Variants in PRRG4 observed in about 807,000 individuals in gnomAD.
PRRG4 encodes the protein proline rich and Gla domain 4.
A neutral mutation model predicts 20.0 loss-of-function variants in PRRG4; 12 were observed. That is an observed-to-expected ratio of 0.60 (90% CI 0.38 to 0.97). The LOEUF (loss-of-function observed/expected upper bound fraction) is 0.97, where lower values mean the gene tolerates loss of function less well. Ranked by LOEUF, PRRG4 falls within the 50% of genes least tolerant of loss-of-function variation. The pLI, the probability that PRRG4 is intolerant of heterozygous loss-of-function variation, is 0.00. For synonymous variants in PRRG4, 94 were observed against 96.4 expected (o/e 0.98, Z 0.15); for missense variants, 199 against 265.1 (o/e 0.75, Z 1.73).
At position 32,856,513 on chromosome 11, in the gene PRRG4, A is replaced by C. The variant is rs1351059110; in HGVS notation, c.*2986A>C. On this transcript the variant is annotated 3_prime_UTR_variant, in exon 6 of 6. Transcript: ENST00000257836. ...ATTTCTGTTGCTTTCACCATTTTCT[A>C]TTCCTGTTGTAAGTTTGGTGGTAGA... is the stretch of plus-strand genomic sequence containing the variant. 1 of 152,168 alleles carries C rather than the reference A, an allele frequency of 6.6e-6. No homozygotes were observed. The highest frequency in any genetic ancestry group is 1.5e-5 in the Non-Finnish European group (1 of 68,032). The allele number at this position is 152,168 out of a possible 1,614,324, so 9.4% of individuals were successfully genotyped here.
intron 2 of PRRG4, among the ~76,000 whole-genome samples, chr11:32,836,186 C>T (rs1851018017): frequency 6.6e-6 from 1 of 152,014 alleles, no homozygotes; most frequent in African/African-American, 2.4e-5. Flanking sequence ...TAGGAAATGG[C>T]AGCCCAAAGA....
chr11:32,844,748 G>T (rs1851112680), intron 5 of PRRG4, among the ~76,000 whole-genome samples: 1 of 152,000 alleles, frequency 6.6e-6, no homozygotes, highest in Non-Finnish European at 1.5e-5. Context: ...TAATCCTCGT[G>T]CCTTGGCCTC....
At chr11:32,831,344 T>C in intron 2 of PRRG4, among the ~76,000 whole-genome samples, 1 of 152,206 alleles carries the variant, frequency 6.6e-6, no homozygotes, top group Non-Finnish European at 1.5e-5. Flanking sequence ...GTGTCAGTAC[T>C]CTGGATCCAC....
rs566466906 is a variant in PRRG4, at chr11:32,840,125, T to C, written c.335T>C (p.Ile112Thr). 2 of 1,604,820 alleles carry C rather than the reference T, an allele frequency of 1.2e-6. No homozygotes were observed. The highest frequency in any genetic ancestry group is 1.7e-5 in the Admixed American group (1 of 59,932). The change falls in exon 5 of 6, where the codon ATA (isoleucine) becomes ACA (threonine). Residue 112 changes from isoleucine to threonine, a missense_variant. Transcript: ENST00000257836. This position sits in a 1 kb window ranked among gnomAD's most constrained non-coding sequence, Gnocchi z 4.1. Reference sequence around the variant, plus strand: ...TTTTAAGATGGCAACAGAGAGAAAATAGATGTTATGGGCCTTCTGACTGGA... The same window carrying C: ...TTTTAAGATGGCAACAGAGAGAAAACAGATGTTATGGGCCTTCTGACTGGA... Reference protein sequence around the residue: ...TTKSDGNREKIDVMGLLTGLI... With the variant: ...TTKSDGNREKTDVMGLLTGLI...
chr11:32,836,678 G>C lies in PRRG4; in HGVS notation c.124G>C (p.Ala42Pro). Residue 42 changes from alanine (A) to proline (P), a missense_variant, in exon 3 of 6, where the codon GCA becomes CCA. Coordinates refer to ENST00000257836, the MANE Select transcript of PRRG4 (RefSeq NM_024081.6). ...ATTAGTGTTTACATCAAAAGAAGAA[G>C]CAAACTTTTTCATACATAGACGCCT... ...GEEVFTSKEEANFFIHRRLLY... is the reference protein window; with the variant it reads ...GEEVFTSKEEPNFFIHRRLLY... 6.3e-7 allele frequency: 1 copy of C among 1,591,004 alleles called. No individual in the cohort carries two copies. Among genetic ancestry groups the C allele is most frequent in the East Asian group, 2.2e-5 (1 of 44,686 alleles).
At chr11:32,847,296 C>T (rs572782360) in intron 5 of PRRG4, among the ~76,000 whole-genome samples, 11 of 151,460 alleles carry the variant, frequency 7.3e-5, no homozygotes, top group South Asian at 2.1e-4. Flanking sequence ...TAATAACCCA[C>T]GTTTTTTTTA....
At chr11:32,846,917 G>A (rs530558856) in intron 5 of PRRG4, among the ~76,000 whole-genome samples, 20 of 151,868 alleles carry the variant, frequency 1.3e-4, no homozygotes, top group Admixed American at 7.9e-4. Context: ...AGAATTGCTT[G>A]AACCTGGGAG....
At chr11:32,845,723 C>T (rs546855579) in intron 5 of PRRG4, among the ~76,000 whole-genome samples, 3 of 151,570 alleles carry the variant, frequency 2.0e-5, no homozygotes, top group East Asian at 1.9e-4. Context: ...GTCACTTTGG[C>T]GGACATGGGT....
chr11:32,844,263 G>C (rs114314541), intron 5 of PRRG4, among the ~76,000 whole-genome samples: 2,718 of 152,124 alleles, frequency 0.018, 84 homozygotes, highest in African/African-American at 0.06. Context: ...AATAATCTGA[G>C]CCACCACACT....
At chr11:32,850,156 T>C (rs1325032198) in intron 5 of PRRG4, among the ~76,000 whole-genome samples, 1 of 152,262 alleles carries the variant, frequency 6.6e-6, no homozygotes, top group Non-Finnish European at 1.5e-5. Context: ...TATGTCCTCA[T>C]ATGCAATAGT....
chr11:32,840,053 T>C lies in PRRG4; in HGVS notation c.317-54T>C, dbSNP rs943856231. The C allele has an allele frequency of 1.3e-5, 17 of 1,318,478 alleles. No individual in the cohort carries two copies. The Admixed American group carries it at 1.6e-4, about 12-fold the overall frequency. The allele number at this position is 1,318,478 out of a possible 1,614,324, so 81.7% of individuals were successfully genotyped here. On this transcript the variant is annotated intron_variant, in intron 4 of 5. Transcript: ENST00000257836. The surrounding 1 kb of genome is among the most constrained non-coding windows in gnomAD (Gnocchi z 4.1). ...ACCAGGATTAAATTTGTTGAAATCA[T>C]AGGTGATGCTATATAGTTGTTATAT... is the stretch of plus-strand genomic sequence containing the variant.
At chr11:32,830,258 A>C in intron 1 of PRRG4, 85 bp downstream of exon 1, 2 of 1,029,494 alleles carry the variant, frequency 1.9e-6, no homozygotes, top group Non-Finnish European at 2.5e-6. Flanking sequence ...ATTCGAACAC[A>C]TAGCGAGGGT....
intron 5 of PRRG4, among the ~76,000 whole-genome samples, chr11:32,844,489 T>C (rs1851109099): frequency 7.9e-6 from 1 of 125,868 alleles, no homozygotes; most frequent in African/African-American, 2.9e-5. Context: ...TTATTATTAT[T>C]ATTATTATTA....
In PRRG4 at chr11:32,853,284, C is replaced by A; in HGVS notation, c.450-12C>A. On this transcript the variant is annotated splice_polypyrimidine_tract_variant and intron_variant, in intron 5 of 5. Transcript: ENST00000257836. The stretch of plus-strand genomic sequence containing the variant: ...TACCTTTCCTAGACCTAAATGTTGT[C>A]TCTCTGCTTAGCTCTTCAGCCGTCT... 6.2e-7 allele frequency: 1 copy of A among 1,600,508 alleles called. No homozygotes were observed.
intron 4 of PRRG4, among the ~76,000 whole-genome samples, chr11:32,839,275 G>A (rs1247918172): frequency 6.6e-6 from 1 of 152,176 alleles, no homozygotes; most frequent in Non-Finnish European, 1.5e-5. Context: ...ATTAAAGGCA[G>A]ATGGAACATT....
rs1371064411 is a variant in PRRG4 at position 32,854,392 on chromosome 11, C to T, written c.*865C>T. ...CCAACATGGCAAAACCCCGTCTCTA[C>T]AAAAATACAAAAGAAATTAGCCAGA... On this transcript the variant is annotated 3_prime_UTR_variant, in exon 6 of 6. Coordinates refer to ENST00000257836, the MANE Select transcript of PRRG4 (RefSeq NM_024081.6). 3 of 151,954 alleles carry T rather than the reference C, an allele frequency of 2.0e-5. No homozygotes were observed. The East Asian group carries it at 5.8e-4, about 29-fold the overall frequency. The allele number at this position is 151,954 out of a possible 1,614,324, so 9.4% of individuals were successfully genotyped here. A position where few individuals can be genotyped will look rare whatever the true frequency, so the allele number is the denominator to read the frequency against.
chr11:32,844,126 T>G (rs1851105084), intron 5 of PRRG4, among the ~76,000 whole-genome samples: 1 of 152,242 alleles, frequency 6.6e-6, no homozygotes, highest in South Asian at 2.1e-4. Context: ...AGTGGTTCAC[T>G]GTGTGAGCTC....
At chr11:32,832,544 G>C (rs1017250415) in intron 2 of PRRG4, among the ~76,000 whole-genome samples, 1 of 143,274 alleles carries the variant, frequency 7.0e-6, no homozygotes, top group Non-Finnish European at 1.5e-5. Context: ...GCAGTGGCGT[G>C]ATCACGGCTC....
At chr11:32,835,567 C>T (rs1851012636) in intron 2 of PRRG4, among the ~76,000 whole-genome samples, 1 of 152,162 alleles carries the variant, frequency 6.6e-6, no homozygotes, top group Non-Finnish European at 1.5e-5. Flanking sequence ...TTGTGTCAGC[C>T]TGTTCTTAAC....
Sources: allele counts gnomAD v4.1 joint callset (sites outside exome capture counted in the v4.1 genomes callset), GRCh38; gene constraint gnomAD v4.1.1; non-coding constraint Gnocchi (gnomAD v3.1); transcripts MANE v1.5; gene names NCBI Gene and HGNC (gene_info 2026-07-23, HGNC 2026-07-21).